KMT2C: variants seen among roughly 807,000 people sequenced by gnomAD.
KMT2C encodes the protein lysine methyltransferase 2C, also known as histone-lysine N-methyltransferase 2C.
KMT2C carries 88 observed loss-of-function variants against 507.9 expected under a neutral mutation model. That is an observed-to-expected ratio of 0.17 (90% CI 0.15 to 0.21). The LOEUF is 0.21. Ranked by LOEUF, KMT2C falls within the 10% of genes least tolerant of loss-of-function variation. The pLI is 1.00. For missense variants in KMT2C, 4,954 were observed against 5,957.8 expected, an observed-to-expected ratio of 0.83 and a Z score of 5.55; for synonymous variants, 2,049 against 2,080.8, an observed-to-expected ratio of 0.98 and a Z score of 0.42.
At chr7:152,320,021 G>A (rs1387916508) in intron 3 of KMT2C, among the ~76,000 whole-genome samples, 2 of 152,118 alleles carry the variant, frequency 1.3e-5, no homozygotes, top group African/African-American at 4.8e-5. Context: ...CTTGGTGGTA[G>A]TGGTCCCCCG....
chr7:152,347,282 G>C (rs147559391), intron 2 of KMT2C, among the ~76,000 whole-genome samples: 150 of 152,320 alleles, frequency 9.8e-4, no homozygotes, highest in African/African-American at 3.2e-3. Flanking sequence ...ACATCAAGCA[G>C]TTCAACTTTT....
At chr7:152,143,488 G>A (rs2090804324) in intron 55 of KMT2C, among the ~76,000 whole-genome samples, 1 of 152,244 alleles carries the variant, frequency 6.6e-6, no homozygotes, top group South Asian at 2.1e-4. Context: ...AGGCTGGGCT[G>A]GGGCCCCCGA....
intron 23 of KMT2C, among the ~76,000 whole-genome samples, chr7:152,216,834 ACACAAGACACAATTGCTCAAG>A (rs1358091036): frequency 6.6e-6 from 1 of 152,198 alleles, no homozygotes; most frequent in Non-Finnish European, 1.5e-5. Flanking sequence ...GTTCTGTTGG[ACACAAGACACAATTGCTCAAG>A]CACTGGTTGA....
At chr7:152,263,468 G>A (rs2095813499) in intron 8 of KMT2C, among the ~76,000 whole-genome samples, 1 of 152,172 alleles carries the variant, frequency 6.6e-6, no homozygotes, top group Admixed American at 6.5e-5. Context: ...CTACTGTGTG[G>A]AAAGGAACAA....
At chr7:152,308,157 G>A (rs1236756311) in intron 6 of KMT2C, among the ~76,000 whole-genome samples, 2 of 152,064 alleles carry the variant, frequency 1.3e-5, no homozygotes, top group East Asian at 3.9e-4. Flanking sequence ...TACTCTTGAG[G>A]TGATGCTTAC....
At chr7:152,234,373 ACTCTAT>A (rs1014068590) in intron 16 of KMT2C, among the ~76,000 whole-genome samples, 4 of 151,972 alleles carry the variant, frequency 2.6e-5, no homozygotes, top group African/African-American at 9.7e-5. Context: ...CAAGAGCGAA[ACTCTAT>A]CTCAAAAGAA....
chr7:152,307,201 GGA>G lies in KMT2C; in HGVS notation c.849+2763_849+2764del, dbSNP rs1563802372. Among the ~76,000 whole-genome samples the G allele has an allele frequency of 2.7e-3, 215 of 80,656 alleles. 3 individuals carry two copies. The highest frequency in any genetic ancestry group is 8.7e-3 in the South Asian group (19 of 2,172). 52.9% of individuals were successfully genotyped at this position (80,656 alleles called of 152,430 possible). A position where few individuals can be genotyped will look rare whatever the true frequency, so the allele number is the denominator to read the frequency against. On this transcript the variant is annotated intron_variant, in intron 6 of 58. Transcript: ENST00000262189. ...GAAGGAAGGAAAGAAGAGGGAGGAA[GGA>G]AGGAAGGAAGGAAGGAAGGAAGGAA... is the stretch of plus-strand genomic sequence containing the variant.
chr7:152,178,062 A>T (rs1291750385), intron 37 of KMT2C, 52 bp from the exon 38 acceptor site: 5 of 1,347,200 alleles, frequency 3.7e-6, no homozygotes, highest in Non-Finnish European at 4.7e-6. Flanking sequence ...TATTATGTTA[A>T]ATTTAGAGTT....
At chr7:152,363,708 A>C (rs1440272884) in intron 1 of KMT2C, among the ~76,000 whole-genome samples, 1 of 152,200 alleles carries the variant, frequency 6.6e-6, no homozygotes, top group Non-Finnish European at 1.5e-5. Flanking sequence ...CAGGTGGCTC[A>C]AGAAGACTAG....
At chr7:152,334,313 G>A (rs1211462065) in intron 2 of KMT2C, among the ~76,000 whole-genome samples, 13 of 152,160 alleles carry the variant, frequency 8.5e-5, no homozygotes, top group Non-Finnish European at 4.4e-5. Context: ...TTAGCCGGGC[G>A]AGGTGGTGCG....
chr7:152,247,756 T>C (rs2095498030), intron 14 of KMT2C, 146 bp downstream of exon 14: 1 of 654,668 alleles, frequency 1.5e-6, no homozygotes, highest in Admixed American at 3.2e-5. Context: ...TAAAAAATAA[T>C]GGCTGAAACA....
chr7:152,163,624 G>C lies in KMT2C; in HGVS notation c.9953C>G (p.Thr3318Arg). The stretch of plus-strand genomic sequence containing the variant: ...AGGGCTAGTATGGCCAGAAATAACT[G>C]TTGTGTGCTGCTGGTGCTGAAGCTG... ...PQQLQHQQHT[T>R]VISGHTSPVR... is the part of the protein sequence containing the mutation. The change falls in exon 43 of 59, where the codon ACA becomes AGA. Residue 3318 changes from threonine to arginine, a missense_variant. Transcript: ENST00000262189. The C allele has an allele frequency of 6.2e-7, 1 of 1,610,584 alleles. No homozygotes were observed. Among genetic ancestry groups the C allele is most frequent in the Non-Finnish European group, 8.5e-7 (1 of 1,177,988 alleles).
chr7:152,310,010 A>G lies in KMT2C; in HGVS notation c.805T>C (p.Leu269=), dbSNP rs1401634884. ...ACAGCTTTGTCCACGTTCACTAACA[A>G]TGGTTCTTCCATCTGGCATACTCCT... The part of the protein sequence containing the change: ...SLGVCQMEEP[L]LVNVDKAVVS... The change falls in exon 6 of 59, where the codon TTG becomes CTG. Residue 269 remains leucine, a synonymous_variant. Coordinates refer to ENST00000262189, the MANE Select transcript of KMT2C (RefSeq NM_170606.3). The G allele has an allele frequency of 1.2e-6, 2 of 1,613,958 alleles. No individual in the cohort carries two copies. The highest frequency in any genetic ancestry group is 4.5e-5 in the East Asian group (2 of 44,876).
chr7:152,390,713 A>C (rs1351846110), intron 1 of KMT2C, among the ~76,000 whole-genome samples: 1 of 152,172 alleles, frequency 6.6e-6, no homozygotes, highest in East Asian at 1.9e-4. Flanking sequence ...ACCCAAGTTC[A>C]TGTCTTAAAT....
At chr7:152,389,767 G>C (rs1035381587) in intron 1 of KMT2C, among the ~76,000 whole-genome samples, 1 of 152,168 alleles carries the variant, frequency 6.6e-6, no homozygotes, top group East Asian at 1.9e-4. Flanking sequence ...AAACTAGCAG[G>C]GGTTATGTGA....
At position 152,288,040 on chromosome 7, in the gene KMT2C, A is replaced by AC. The variant is rs1372880622; in HGVS notation, c.850-14174_850-14173insG. Among the ~76,000 whole-genome samples the AC allele has an allele frequency of 4.4e-4, 67 of 150,870 alleles. 1 individual carries two copies. In the South Asian group the frequency reaches 0.012, roughly 28 times the overall value. On this transcript the variant is annotated intron_variant, in intron 6 of 58. Transcript: ENST00000262189. ...TCTGCCTCAAAAAAAAAAAAAAAAA[A>AC]AAAAAGCAATTACAAACATACTTTT...
intron 3 of KMT2C, among the ~76,000 whole-genome samples, 178 bp downstream of exon 3, chr7:152,330,423 C>T (rs778771535): frequency 5.9e-5 from 9 of 152,060 alleles, no homozygotes; most frequent in Non-Finnish European, 8.8e-5. Flanking sequence ...TGCCTAAGCC[C>T]ACAGATGTAA....
intron 1 of KMT2C, among the ~76,000 whole-genome samples, chr7:152,388,806 T>A (rs201705958): frequency 1.4e-5 from 2 of 145,452 alleles, no homozygotes; most frequent in Non-Finnish European, 3.1e-5. Flanking sequence ...TGGAGTGCAA[T>A]GGCGTGATCT....
intron 1 of KMT2C, among the ~76,000 whole-genome samples, chr7:152,393,851 C>T (rs1564100557): frequency 7.1e-6 from 1 of 141,642 alleles, no homozygotes; most frequent in African/African-American, 2.7e-5. Flanking sequence ...GAGCCGAGAT[C>T]GTGCCATTGC....
Sources: gnomAD v4.1 joint callset for allele counts (sites outside exome capture counted in the v4.1 genomes callset) on GRCh38, gnomAD v4.1.1 for gene constraint, MANE v1.5 for transcripts, NCBI Gene and HGNC (gene_info 2026-07-23, HGNC 2026-07-21) for gene names.